SHANK2: variants seen among roughly 807,000 people sequenced by gnomAD.
The protein encoded by SHANK2 is SH3 and multiple ankyrin repeat domains 2, also known as SH3 and multiple ankyrin repeat domains protein 2.
Under a neutral mutation model 133.7 loss-of-function variants are expected in SHANK2, and 43 were observed. The ratio of observed to expected loss-of-function variants is 0.32; its 90% CI spans 0.25 to 0.41. SHANK2 has a LOEUF of 0.41. Ranked by LOEUF, SHANK2 falls within the 10% of genes least tolerant of loss-of-function variation. SHANK2 has a pLI of 1.00. For synonymous variants in SHANK2, 1,017 were observed against 952.8 expected (o/e 1.07, Z -1.24); for missense variants, 1,994 against 2,235.8 (o/e 0.89, Z 2.18).
intron 2 of SHANK2, among the ~76,000 whole-genome samples, chr11:71,184,372 G>A (rs1448390433): frequency 2.6e-5 from 4 of 152,158 alleles, no homozygotes; most frequent in East Asian, 1.9e-4. Flanking sequence ...TGGCCCCCAC[G>A]AAAAGCAATG....
intron 14 of SHANK2, among the ~76,000 whole-genome samples, chr11:70,746,587 G>A (rs563071251): frequency 6.6e-6 from 1 of 152,210 alleles, no homozygotes; most frequent in South Asian, 2.1e-4. Context: ...CTCCCTCCAG[G>A]GTGGGGGATG....
At chr11:70,523,044 G>A (rs1254053588) in intron 17 of SHANK2, among the ~76,000 whole-genome samples, 3 of 152,220 alleles carry the variant, frequency 2.0e-5, no homozygotes, top group African/African-American at 7.2e-5. Context: ...GCGGGTGCAA[G>A]GAAACCCACA....
chr11:70,502,264 T>C lies in SHANK2; in HGVS notation c.2220A>G (p.Ala740=), dbSNP rs535927817. 71 of 1,557,740 alleles carry C rather than the reference T, an allele frequency of 4.6e-5. No individual in the cohort carries two copies. Among genetic ancestry groups the C allele is most frequent in the Non-Finnish European group, 6.2e-5 (71 of 1,149,660 alleles). The change falls in exon 19 of 26, where the codon GCA becomes GCG. Residue 740 remains alanine, a synonymous_variant. Transcript: ENST00000601538. ...RKKAPPPPKR[A]PTTALTLRSK... is the part of the protein sequence containing the mutation. ...AGCGCAGGGTGAGGGCTGTGGTCGG[T>C]GCCCGCTTTGGAGGCGGGGGAGCTG... is the stretch of plus-strand genomic sequence containing the variant.
At chr11:71,239,396 ATGAC>A (rs1489771492) in intron 1 of SHANK2, among the ~76,000 whole-genome samples, 8 of 152,336 alleles carry the variant, frequency 5.3e-5, no homozygotes, top group Admixed American at 2.6e-4. Context: ...GATAATGATG[ATGAC>A]TGACTAAGCT....
At chr11:70,478,050 A>C (rs1340641349) in intron 25 of SHANK2, among the ~76,000 whole-genome samples, 1 of 152,256 alleles carries the variant, frequency 6.6e-6, no homozygotes, top group Non-Finnish European at 1.5e-5. Context: ...AAATGTGAGA[A>C]TTAAAAAAAA....
chr11:70,537,423 G>A (rs1396026604), intron 17 of SHANK2, among the ~76,000 whole-genome samples: 2 of 152,270 alleles, frequency 1.3e-5, no homozygotes, highest in Non-Finnish European at 2.9e-5. Context: ...TCTCGTAAGA[G>A]ACAGAAGAGG....
chr11:70,473,848 G>A lies in SHANK2; in HGVS notation c.4980-409C>T, dbSNP rs536336115. 2.3e-4 allele frequency: 78 copies of A among 332,212 alleles called. No homozygotes were observed. Among genetic ancestry groups the A allele is most frequent in the Middle Eastern group, 1.1e-3 (1 of 898 alleles). 20.6% of individuals were successfully genotyped at this position (332,212 alleles called of 1,614,324 possible). On this transcript the variant is annotated intron_variant, in intron 25 of 25. Coordinates refer to ENST00000601538, the MANE Select transcript of SHANK2 (RefSeq NM_012309.5). The surrounding 1 kb of genome is among the most constrained non-coding windows in gnomAD (Gnocchi z 5.9). ...GGAAGGGGTCCCTTGAAGAGGGCAC[G>A]GAGACAGGGACAGAGTGGGGTCCTG...
At chr11:71,180,275 A>G (rs782620980) in intron 2 of SHANK2, among the ~76,000 whole-genome samples, 3 of 152,206 alleles carry the variant, frequency 2.0e-5, no homozygotes, top group Non-Finnish European at 4.4e-5. Context: ...CACGGGGCAC[A>G]GAATATGTGC....
chr11:70,490,489 C>T, intron 22 of SHANK2, 102 bp from the exon 23 acceptor site: 1 of 987,728 alleles, frequency 1.0e-6, no homozygotes, highest in Non-Finnish European at 1.6e-6. Context: ...CTGTGGCTTC[C>T]CCAAGCTGCT....
chr11:71,086,476 ATT>A (rs1370331731), intron 8 of SHANK2, among the ~76,000 whole-genome samples: 1 of 136,830 alleles, frequency 7.3e-6, no homozygotes, highest in Non-Finnish European at 1.5e-5. Flanking sequence ...GTAATATATA[ATT>A]TGTTATATAA....
intron 17 of SHANK2, among the ~76,000 whole-genome samples, chr11:70,577,935 C>G (rs2060136927): frequency 6.6e-6 from 1 of 152,312 alleles, no homozygotes; most frequent in African/African-American, 2.4e-5. Context: ...TGGGGATGAC[C>G]TGTGAGGGGA....
chr11:70,627,937 A>G (rs2060926281), intron 17 of SHANK2, among the ~76,000 whole-genome samples: 1 of 152,160 alleles, frequency 6.6e-6, no homozygotes, highest in Non-Finnish European at 1.5e-5. Context: ...TACAAGGTCA[A>G]CATGCCTAGC....
At chr11:70,743,188 G>C (rs1383666523) in intron 14 of SHANK2, among the ~76,000 whole-genome samples, 1 of 152,210 alleles carries the variant, frequency 6.6e-6, no homozygotes, top group Non-Finnish European at 1.5e-5. Flanking sequence ...AGGAACGCAG[G>C]AGCTGCAGGA....
intron 6 of SHANK2, among the ~76,000 whole-genome samples, chr11:71,094,927 G>A (rs1334804907): frequency 2.6e-5 from 4 of 152,192 alleles, no homozygotes; most frequent in Non-Finnish European, 5.9e-5. Context: ...GCAGAGGCAG[G>A]GATTCAACAG....
chr11:70,633,441 A>G (rs1377834490), intron 17 of SHANK2: 8 of 152,188 alleles, frequency 5.3e-5, no homozygotes, highest in African/African-American at 1.4e-4. Context: ...ACTGGACATC[A>G]GTAGAGATCA....
intron 1 of SHANK2, chr11:71,226,450 C>T (rs1954645770): frequency 6.6e-6 from 1 of 152,202 alleles, no homozygotes; most frequent in Admixed American, 6.5e-5. Flanking sequence ...ATTCCAGAAG[C>T]TGAACGAATC....
intron 10 of SHANK2, among the ~76,000 whole-genome samples, chr11:70,930,902 T>C (rs573230622): frequency 4.6e-5 from 7 of 150,588 alleles, no homozygotes; most frequent in Non-Finnish European, 1.0e-4. Flanking sequence ...CCTAGGCTCA[T>C]GCAATCCTCC....
intron 17 of SHANK2, chr11:70,566,500 C>A (rs2059969696): frequency 6.6e-6 from 1 of 152,204 alleles, no homozygotes; most frequent in African/African-American, 2.4e-5. Context: ...AGTCCCCAGT[C>A]CCCAGGCTCA....
At position 71,122,622 on chromosome 11, in the gene SHANK2, T is replaced by A. The variant is rs148255799; in HGVS notation, c.208-3590A>T. Among the ~76,000 whole-genome samples the A allele has an allele frequency of 5.0e-3, 765 of 152,198 alleles. 4 individuals are homozygous for A. Among genetic ancestry groups the A allele is most frequent in the African/African-American group, 0.018 (743 of 41,508 alleles). ...GTAACAAACCTGCACATTGTGCACA[T>A]GTACCCTAGAACTTAAAGTATAATT... On this transcript the variant is annotated intron_variant, in intron 3 of 25. Transcript: ENST00000601538.
Sources: allele counts gnomAD v4.1 joint callset (sites outside exome capture counted in the v4.1 genomes callset), GRCh38; gene constraint gnomAD v4.1.1; non-coding constraint Gnocchi (gnomAD v3.1); transcripts MANE v1.5; gene names NCBI Gene and HGNC (gene_info 2026-07-23, HGNC 2026-07-21).